The following MARCHF10 variants were observed in gnomAD, a reference collection of about 807,000 sequenced individuals.
MARCHF10 encodes probable E3 ubiquitin-protein ligase MARCHF10.
A neutral mutation model predicts 76.2 loss-of-function variants in MARCHF10; 64 were observed. That is an observed-to-expected ratio of 0.84 (90% CI 0.69 to 1.03). The LOEUF is 1.03. MARCHF10 is among the 50% of genes least tolerant of loss of function. The probability of loss-of-function intolerance (pLI) is 0.00; values close to 1 mark genes in which losing one functional copy is unlikely to be tolerated. For missense variants in MARCHF10, 875 were observed against 958.0 expected (o/e 0.91, Z 1.14); for synonymous variants, 340 against 357.5 (o/e 0.95, Z 0.55).
intron 3 of MARCHF10, among the ~76,000 whole-genome samples, chr17:62,786,373 G>T (rs2092746595): frequency 1.3e-5 from 2 of 150,492 alleles, no homozygotes; most frequent in African/African-American, 4.9e-5. Flanking sequence ...CACACACTGG[G>T]GCATGTCATG....
Position 62,737,202 on chromosome 17 carries a change from G to T in MARCHF10, c.666C>A (p.Asp222Glu), listed in dbSNP as rs1429977326. The T allele has an allele frequency of 2.5e-6, 4 of 1,613,880 alleles. No homozygotes were observed. In the African/African-American group the frequency reaches 5.3e-5, roughly 22 times the overall value. The change falls in exon 6 of 11, where the codon GAC (aspartate) becomes GAA (glutamate). Residue 222 changes from aspartate to glutamate, a missense_variant. Physicochemically the swap from Asp to Glu is conservative, Grantham distance 45. Transcript: ENST00000311269. ...ENAPDRAKKG[D>E]PSAPSQSELH... Reference sequence around the variant, plus strand: ...GCTCACTCTGGGAAGGAGCACTCGGGTCTCCTTTTTTGGCTCTATCAGGGG... The same window carrying T: ...GCTCACTCTGGGAAGGAGCACTCGGTTCTCCTTTTTTGGCTCTATCAGGGG...
chr17:62,796,532 T>G (rs1204228350), intron 2 of MARCHF10, among the ~76,000 whole-genome samples: 1 of 152,220 alleles, frequency 6.6e-6, no homozygotes, highest in Non-Finnish European at 1.5e-5. Flanking sequence ...CTTTTAGGAA[T>G]AGTCACAAGT....
At chr17:62,796,939 G>C (rs1330711652) in intron 2 of MARCHF10, among the ~76,000 whole-genome samples, 1 of 152,082 alleles carries the variant, frequency 6.6e-6, no homozygotes. Flanking sequence ...GCTGCAGTCA[G>C]TTGTGACTGC....
In MARCHF10 at chr17:62,744,414, T is replaced by A; in HGVS notation, c.497A>T (p.Gln166Leu). The A allele has an allele frequency of 6.2e-7, 1 of 1,614,186 alleles. No individual in the cohort carries two copies. The highest frequency in any genetic ancestry group is 1.1e-5 in the South Asian group (1 of 91,070). Residue 166 changes from glutamine to leucine, a missense_variant, in exon 5 of 11, where the codon CAG becomes CTG. Transcript: ENST00000311269. ...RASGDRSRQKQQWPAKVPVPR... is the reference protein window; with the variant it reads ...RASGDRSRQKLQWPAKVPVPR... ...AACCGGCACCTTTGCAGGCCACTGC[T>A]GTTTCTGTCTGCTTCTGTCCCCAGA...
intron 6 of MARCHF10, among the ~76,000 whole-genome samples, chr17:62,728,381 C>T (rs2090861125): frequency 6.6e-6 from 1 of 152,118 alleles, no homozygotes; most frequent in Admixed American, 6.5e-5. Context: ...CAAAACCTCC[C>T]ATTCAGGAAA....
At chr17:62,704,475 T>C (rs1414247054) in intron 10 of MARCHF10, among the ~76,000 whole-genome samples, 1 of 152,142 alleles carries the variant, frequency 6.6e-6, no homozygotes, top group Non-Finnish European at 1.5e-5. Context: ...CTGAAAATGG[T>C]CAGTTCGGCT....
intron 6 of MARCHF10, among the ~76,000 whole-genome samples, chr17:62,730,478 C>T (rs1248118710): frequency 6.6e-6 from 1 of 152,190 alleles, no homozygotes; most frequent in Admixed American, 6.5e-5. Flanking sequence ...GTATTAAGCG[C>T]TTACTGTATG....
chr17:62,753,938 G>A (rs1196583933), intron 4 of MARCHF10, among the ~76,000 whole-genome samples: 2 of 152,134 alleles, frequency 1.3e-5, no homozygotes. Flanking sequence ...ACACCAGTTC[G>A]CCCTGGTATC....
chr17:62,794,463 A>C (rs2092950890), intron 2 of MARCHF10, among the ~76,000 whole-genome samples: 1 of 152,214 alleles, frequency 6.6e-6, no homozygotes, highest in Non-Finnish European at 1.5e-5. Context: ...CCTGAGGTTC[A>C]TCCTTGTTTT....
intron 9 of MARCHF10, among the ~76,000 whole-genome samples, chr17:62,705,922 C>T (rs149249226): frequency 1.7e-4 from 26 of 152,296 alleles, no homozygotes; most frequent in African/African-American, 6.0e-4. Context: ...GGGTGAAGGC[C>T]GTGCTAATTG....
At chr17:62,774,801 A>G (rs973036972) in intron 3 of MARCHF10, among the ~76,000 whole-genome samples, 39 of 152,088 alleles carry the variant, frequency 2.6e-4, no homozygotes, top group Non-Finnish European at 5.4e-4. Flanking sequence ...CACGCCTGTA[A>G]TCTCAGCACT....
intron 3 of MARCHF10, among the ~76,000 whole-genome samples, chr17:62,787,299 A>C (rs932224233): frequency 2.0e-5 from 3 of 152,166 alleles, no homozygotes; most frequent in African/African-American, 7.2e-5. Flanking sequence ...TGTCCTTTGA[A>C]CATTAAATAA....
intron 6 of MARCHF10, among the ~76,000 whole-genome samples, chr17:62,729,334 T>A (rs1343894555): frequency 6.6e-6 from 1 of 151,754 alleles, no homozygotes; most frequent in Non-Finnish European, 1.5e-5. Flanking sequence ...AGCATATTTA[T>A]AAGTATTGAA....
chr17:62,803,848 A>G (rs2093120017), intron 1 of MARCHF10, among the ~76,000 whole-genome samples: 1 of 152,110 alleles, frequency 6.6e-6, no homozygotes, highest in Non-Finnish European at 1.5e-5. Flanking sequence ...TCTGGAAGGG[A>G]TAGGCCTTGT....
chr17:62,721,211 T>C (rs1437606611), intron 8 of MARCHF10, among the ~76,000 whole-genome samples: 1 of 152,198 alleles, frequency 6.6e-6, no homozygotes, highest in Non-Finnish European at 1.5e-5. Flanking sequence ...ACTTCTCTTA[T>C]GGATCTAAGA....
intron 6 of MARCHF10, among the ~76,000 whole-genome samples, chr17:62,727,318 C>T (rs1345000638): frequency 6.6e-6 from 1 of 151,986 alleles, no homozygotes; most frequent in South Asian, 2.1e-4. Context: ...CAGAAAAGCA[C>T]AGAAAAGAAA....
chr17:62,733,653 G>A (rs1378339534), intron 6 of MARCHF10, among the ~76,000 whole-genome samples: 2 of 152,184 alleles, frequency 1.3e-5, no homozygotes, highest in African/African-American at 4.8e-5. Flanking sequence ...TTCATGCAGC[G>A]CCATTTGCAG....
intron 4 of MARCHF10, among the ~76,000 whole-genome samples, chr17:62,753,138 C>T (rs1465562599): frequency 6.6e-6 from 1 of 152,068 alleles, no homozygotes; most frequent in Non-Finnish European, 1.5e-5. Flanking sequence ...CTTGCTCTGT[C>T]GCCCAGGCTG....
chr17:62,766,128 T>G (rs2092325386), intron 3 of MARCHF10, among the ~76,000 whole-genome samples: 1 of 148,100 alleles, frequency 6.8e-6, no homozygotes, highest in Non-Finnish European at 1.5e-5. Context: ...CCTAGGAGGT[T>G]GAGGCTGCAG....
Sources: allele counts gnomAD v4.1 joint callset (sites outside exome capture counted in the v4.1 genomes callset), GRCh38; gene constraint gnomAD v4.1.1; transcripts MANE v1.5; gene names NCBI Gene and HGNC (gene_info 2026-07-23, HGNC 2026-07-21).